ZGRF1: variants seen among roughly 807,000 people sequenced by gnomAD.
The protein encoded by ZGRF1 is 5'-3' DNA helicase ZGRF1.
A neutral mutation model predicts 203.5 loss-of-function variants in ZGRF1; 196 were observed. That is an observed-to-expected ratio of 0.96 (90% CI 0.86 to 1.08). The LOEUF (loss-of-function observed/expected upper bound fraction) is 1.08. Among genes scored for constraint, ZGRF1 ranks in the 50% least tolerant of loss-of-function variants. The pLI is 0.00. For synonymous variants in ZGRF1, 809 were observed against 841.3 expected, an observed-to-expected ratio of 0.96 and a Z score of 0.66; for missense variants, 2,326 against 2,416.3, an observed-to-expected ratio of 0.96 and a Z score of 0.78.
chr4:112,596,303 A>T (rs1748997658), intron 10 of ZGRF1, among the ~76,000 whole-genome samples: 1 of 152,162 alleles, frequency 6.6e-6, no homozygotes, highest in African/African-American at 2.4e-5. Flanking sequence ...TAGTAAAGGA[A>T]AGCCCAATAA....
intron 10 of ZGRF1, among the ~76,000 whole-genome samples, chr4:112,598,934 C>T (rs1421611221): frequency 6.6e-6 from 1 of 151,756 alleles, no homozygotes; most frequent in Non-Finnish European, 1.5e-5. Context: ...ACCTGTAGTC[C>T]CAGCTACTCA....
At chr4:112,595,109 T>C (rs1338133840) in intron 10 of ZGRF1, among the ~76,000 whole-genome samples, 2 of 152,066 alleles carry the variant, frequency 1.3e-5, no homozygotes, top group Non-Finnish European at 2.9e-5. Context: ...GACTCACATT[T>C]TTTTACATTT....
At chr4:112,545,711 C>T (rs1040549403) in intron 24 of ZGRF1, among the ~76,000 whole-genome samples, 4 of 152,080 alleles carry the variant, frequency 2.6e-5, no homozygotes, top group Admixed American at 6.5e-5. Flanking sequence ...AGAGCCAAAA[C>T]GTGAAAACAA....
chr4:112,580,868 G>A (rs1371684677), intron 16 of ZGRF1, among the ~76,000 whole-genome samples: 1 of 152,072 alleles, frequency 6.6e-6, no homozygotes, highest in Non-Finnish European at 1.5e-5. Flanking sequence ...AAGTCAGTGT[G>A]GTGATTCCTC....
intron 20 of ZGRF1, among the ~76,000 whole-genome samples, chr4:112,556,657 G>A (rs1250879436): frequency 6.6e-6 from 1 of 152,164 alleles, no homozygotes; most frequent in Admixed American, 6.5e-5. Flanking sequence ...GCCTCCCAAA[G>A]TGCTGGGAAT....
At chr4:112,566,173 A>AGGGG (rs1743034634) in intron 16 of ZGRF1, among the ~76,000 whole-genome samples, 1 of 152,138 alleles carries the variant, frequency 6.6e-6, no homozygotes, top group Non-Finnish European at 1.5e-5. Flanking sequence ...AAAAATGATG[A>AGGGG]GTTCATGTCC....
At chr4:112,625,146 A>G (rs1160668128) in intron 3 of ZGRF1, among the ~76,000 whole-genome samples, 3 of 152,180 alleles carry the variant, frequency 2.0e-5, no homozygotes, top group Non-Finnish European at 2.9e-5. Context: ...TATTAGCCAG[A>G]CATGGTGGTG....
At chr4:112,608,771 C>T (rs575617327) in intron 8 of ZGRF1, among the ~76,000 whole-genome samples, 2 of 152,172 alleles carry the variant, frequency 1.3e-5, no homozygotes, top group South Asian at 4.1e-4. Flanking sequence ...TGGCAAGTAG[C>T]CATAATACAG....
chr4:112,585,089 T>A (rs957894778), intron 14 of ZGRF1, among the ~76,000 whole-genome samples: 1 of 152,184 alleles, frequency 6.6e-6, no homozygotes, highest in African/African-American at 2.4e-5. Context: ...ATATTCCTCC[T>A]ATTTTATCAA....
At chr4:112,617,264 G>C (rs2046911079) in intron 6 of ZGRF1, among the ~76,000 whole-genome samples, 176 bp downstream of exon 6, 1 of 152,144 alleles carries the variant, frequency 6.6e-6, no homozygotes, top group Non-Finnish European at 1.5e-5. Flanking sequence ...GGATGTGGTT[G>C]GATGGGGACT....
At chr4:112,594,752 C>T (rs1392665881) in intron 10 of ZGRF1, among the ~76,000 whole-genome samples, 6 of 151,904 alleles carry the variant, frequency 3.9e-5, no homozygotes, top group Non-Finnish European at 8.8e-5. Flanking sequence ...CACGCCTGGC[C>T]TAATTTTTCA....
intron 10 of ZGRF1, among the ~76,000 whole-genome samples, chr4:112,592,363 G>A (rs7693702): frequency 0.032 from 4,933 of 152,058 alleles, 266 homozygotes; most frequent in African/African-American, 0.11. Flanking sequence ...CTCCCAAAGT[G>A]CTAAGATTAC....
chr4:112,626,580 T>C (rs575252792), intron 3 of ZGRF1, among the ~76,000 whole-genome samples: 51 of 152,306 alleles, frequency 3.3e-4, no homozygotes, highest in Non-Finnish European at 6.8e-4. Flanking sequence ...GGGATTTATT[T>C]GTTTTGTTCC....
chr4:112,567,231 G>A (rs951454783), intron 16 of ZGRF1, among the ~76,000 whole-genome samples: 1 of 152,120 alleles, frequency 6.6e-6, no homozygotes, highest in Non-Finnish European at 1.5e-5. Context: ...TGAGCTCCTT[G>A]GAGCTGACCA....
At chr4:112,624,115 T>C (rs574184409) in intron 3 of ZGRF1, 25 of 306,048 alleles carry the variant, frequency 8.2e-5, no homozygotes, top group Non-Finnish European at 1.2e-4. Context: ...CCTTCCACGC[T>C]GTGGAAGCTT....
chr4:112,589,570 T>C (rs1747800900), intron 11 of ZGRF1, 154 bp downstream of exon 11: 1 of 649,756 alleles, frequency 1.5e-6, no homozygotes, highest in Non-Finnish European at 2.7e-6. Flanking sequence ...CTATCTATGA[T>C]AGAAAAAGTT....
rs371687821 is a variant in ZGRF1 at position 112,547,402 on chromosome 4, C to T, written c.5481G>A (p.Glu1827=). 3.2e-5 allele frequency: 52 copies of T among 1,608,820 alleles called. No homozygotes were observed. The South Asian group carries it at 4.2e-4, about 13-fold the overall frequency. Residue 1827 remains glutamate (E), a synonymous_variant, in exon 24 of 28, where the codon GAG becomes GAA. Coordinates refer to ENST00000505019, the MANE Select transcript of ZGRF1 (RefSeq NM_018392.5). ...PASLLPIARF[E]CEKLILVGDP... ...CCCCAACAAGAATCAGCTTTTCACA[C>T]TCAAACCTAAAACAGAATTTCAAAA...
intron 10 of ZGRF1, 46 bp from the exon 11 acceptor site, chr4:112,589,920 T>A (rs751753139): frequency 6.9e-7 from 1 of 1,441,490 alleles, no homozygotes; most frequent in East Asian, 2.3e-5. Flanking sequence ...ATCTTCTGAT[T>A]TTTTTCTTTA....
chr4:112,603,297 C>G (rs1375568632), intron 10 of ZGRF1, among the ~76,000 whole-genome samples: 1 of 152,090 alleles, frequency 6.6e-6, no homozygotes. Flanking sequence ...AATTTATAGT[C>G]TTCTCTGAAG....
Sources: allele counts gnomAD v4.1 joint callset (sites outside exome capture counted in the v4.1 genomes callset), GRCh38; gene constraint gnomAD v4.1.1; transcripts MANE v1.5; gene names NCBI Gene and HGNC (gene_info 2026-07-23, HGNC 2026-07-21).